NETO2: variants seen among roughly 807,000 people sequenced by gnomAD.
NETO2 encodes neuropilin and tolloid like 2, also known as neuropilin and tolloid-like protein 2.
A neutral mutation model predicts 62.5 loss-of-function variants in NETO2; 28 were observed. The ratio of observed to expected loss-of-function variants is 0.45; its 90% CI spans 0.33 to 0.61. The LOEUF is 0.61. NETO2 is among the 20% of genes least tolerant of loss of function. The pLI, the probability that NETO2 is intolerant of heterozygous loss-of-function variation, is 0.02. For missense variants in NETO2, 548 were observed against 643.2 expected (o/e 0.85, Z 1.60); for synonymous variants, 214 against 219.1 (o/e 0.98, Z 0.21).
At chr16:47,100,819 C>A (rs570832463) in intron 7 of NETO2, among the ~76,000 whole-genome samples, 2 of 152,128 alleles carry the variant, frequency 1.3e-5, no homozygotes, top group African/African-American at 2.4e-5. Context: ...TAATAGCCTA[C>A]CAACCAAAAA....
chr16:47,131,941 CAGTAAGTCACCAA>C lies in NETO2; in HGVS notation c.91+15_91+27del, dbSNP rs760831911. On this transcript the variant is annotated intron_variant, in intron 2 of 8. Transcript: ENST00000562435. ...AAGCCAGTCCATTGTCTTAAACATG[CAGTAAGTCACCAA>C]TGTAAGTACTTTACCTTGGGTTTTT... 5.0e-6 allele frequency: 8 copies of C among 1,588,368 alleles called. No individual in the cohort carries two copies. Among genetic ancestry groups the C allele is most frequent in the Non-Finnish European group, 6.9e-6 (8 of 1,157,260 alleles).
At chr16:47,100,545 T>C (rs1024336391) in intron 7 of NETO2, among the ~76,000 whole-genome samples, 5 of 151,314 alleles carry the variant, frequency 3.3e-5, no homozygotes, top group African/African-American at 1.2e-4. Flanking sequence ...ACAAAATAGA[T>C]AGACCGCTAG....
intron 6 of NETO2, among the ~76,000 whole-genome samples, chr16:47,113,636 G>A (rs2143919245): frequency 7.2e-6 from 1 of 138,182 alleles, no homozygotes; most frequent in East Asian, 2.1e-4. Flanking sequence ...TTGTCGCCCA[G>A]GCTGGAGTGC....
chr16:47,090,179 A>G (rs1439660339), intron 7 of NETO2, among the ~76,000 whole-genome samples: 1 of 152,176 alleles, frequency 6.6e-6, no homozygotes, highest in Non-Finnish European at 1.5e-5. Context: ...CTCCGTGTTC[A>G]TCACTGATTG....
intron 6 of NETO2, 130 bp from the exon 7 acceptor site, chr16:47,109,841 G>A (rs1018734413): frequency 1.1e-4 from 69 of 636,270 alleles, no homozygotes; most frequent in Admixed American, 7.4e-4. Context: ...ATAAATGGCT[G>A]ATGCCTAAAT....
rs138259311 is a variant in NETO2, at chr16:47,137,070, C to T, written c.35-5045G>A. ...TGTTGGTCAGGCTATAGGAAACTGA[C>T]ATACTCATATAATGCCACTGGATTA... On this transcript the variant is annotated intron_variant, in intron 1 of 8. Transcript: ENST00000562435. Among the ~76,000 whole-genome samples, 509 of 152,278 alleles carry T rather than the reference C, an allele frequency of 3.3e-3. 1 individual carries two copies. The highest frequency in any genetic ancestry group is 0.012 in the African/African-American group (483 of 41,550).
chr16:47,114,410 G>C (rs1190714593), intron 6 of NETO2, among the ~76,000 whole-genome samples: 2 of 101,556 alleles, frequency 2.0e-5, no homozygotes, highest in East Asian at 3.1e-4. Flanking sequence ...ACAGAGAAAA[G>C]CTTTTTCATT....
At chr16:47,143,214 C>G (rs553301395) in intron 1 of NETO2, among the ~76,000 whole-genome samples, 62 of 152,212 alleles carry the variant, frequency 4.1e-4, no homozygotes, top group African/African-American at 1.5e-3. Context: ...CGCTCCACGA[C>G]AGGAATCTCA....
intron 1 of NETO2, among the ~76,000 whole-genome samples, chr16:47,139,872 A>G (rs2151496321): frequency 6.6e-6 from 1 of 152,336 alleles, no homozygotes; most frequent in Admixed American, 6.5e-5. Context: ...TTTTAATTAC[A>G]CATCAGTCCT....
chr16:47,129,883 G>A (rs920351613), intron 2 of NETO2, among the ~76,000 whole-genome samples: 5 of 152,152 alleles, frequency 3.3e-5, no homozygotes, highest in Non-Finnish European at 7.3e-5. Context: ...AAACAGAGAG[G>A]GGTAGATATA....
Position 47,122,754 on chromosome 16 carries a change from C to T in NETO2, c.557G>A (p.Gly186Glu). The T allele has an allele frequency of 6.2e-7, 1 of 1,614,026 alleles. No homozygotes were observed. Reference protein sequence around the residue: ...DCQFELSGADGIVRSSQVEQE... With the variant: ...DCQFELSGADEIVRSSQVEQE... ...TTCTACCTGACTAGAGCGCACTATTCCATCAGCTCCCGAGAGCTCGAACTG... is the reference window on the plus strand; with the variant it reads ...TTCTACCTGACTAGAGCGCACTATTTCATCAGCTCCCGAGAGCTCGAACTG... Residue 186 changes from glycine to glutamate, a missense_variant, in exon 6 of 9, where the codon GGA (glycine) becomes GAA (glutamate). Gly to Glu is a moderately conservative substitution (Grantham distance 98). Coordinates refer to ENST00000562435, the MANE Select transcript of NETO2 (RefSeq NM_018092.5).
chr16:47,109,806 G>C, intron 6 of NETO2, 95 bp from the exon 7 acceptor site: 1 of 787,868 alleles, frequency 1.3e-6, no homozygotes, highest in Non-Finnish European at 2.0e-6. Context: ...GACACCGAAT[G>C]ACAGCTGACA....
At chr16:47,104,834 C>T (rs541923863) in intron 7 of NETO2, among the ~76,000 whole-genome samples, 5 of 152,146 alleles carry the variant, frequency 3.3e-5, no homozygotes, top group African/African-American at 1.2e-4. Context: ...ACTGTCCTGC[C>T]TCAGCCTCCT....
chr16:47,143,005 C>T (rs1286224341), intron 1 of NETO2, among the ~76,000 whole-genome samples: 1 of 151,784 alleles, frequency 6.6e-6, no homozygotes, highest in Non-Finnish European at 1.5e-5. Flanking sequence ...CCGCGCGCCG[C>T]CCCCGGAGCC....
In NETO2 at chr16:47,077,858, G is replaced by A. The variant is rs1233248351; in HGVS notation, c.*5363C>T. 6.6e-6 allele frequency: 1 copy of A among 152,240 alleles called. No individual in the cohort carries two copies. Among genetic ancestry groups the A allele is most frequent in the African/African-American group, 2.4e-5 (1 of 41,434 alleles). 9.4% of individuals were successfully genotyped at this position (152,240 alleles called of 1,614,324 possible). Reference sequence around the variant, plus strand: ...CTCTGTGCCCTGATCTGTGCCTGATGCTTGTGAAACTCAGAGGAGTTTCTG... The same window carrying A: ...CTCTGTGCCCTGATCTGTGCCTGATACTTGTGAAACTCAGAGGAGTTTCTG... On this transcript the variant is annotated 3_prime_UTR_variant, in exon 9 of 9. Transcript: ENST00000562435.
At chr16:47,101,419 T>A (rs1963540782) in intron 7 of NETO2, among the ~76,000 whole-genome samples, 1 of 152,202 alleles carries the variant, frequency 6.6e-6, no homozygotes, top group Non-Finnish European at 1.5e-5. Flanking sequence ...AACATAGTAT[T>A]GGAGGTTCTG....
At chr16:47,115,494 C>A (rs539461564) in intron 6 of NETO2, among the ~76,000 whole-genome samples, 2 of 150,666 alleles carry the variant, frequency 1.3e-5, no homozygotes, top group Non-Finnish European at 3.0e-5. Context: ...TAATTTTGAA[C>A]TACAGTTTTC....
chr16:47,141,455 T>C (rs1467457053), intron 1 of NETO2, among the ~76,000 whole-genome samples: 1 of 151,444 alleles, frequency 6.6e-6, no homozygotes. Flanking sequence ...TATACATGCG[T>C]TTGGTAAAAA....
chr16:47,128,382 T>G lies in NETO2; in HGVS notation c.424A>C (p.Ser142Arg). The G allele has an allele frequency of 7.4e-6, 12 of 1,614,136 alleles. No homozygotes were observed. The highest frequency in any genetic ancestry group is 1.0e-5 in the Non-Finnish European group (12 of 1,179,992). The change falls in exon 4 of 9, where the codon AGT (serine) becomes CGT (arginine). Residue 142 changes from serine (S) to arginine (R), a missense_variant. Transcript: ENST00000562435. ...STGRFMWIKF[S>R]SDEELEGLGF... ...AGTCCTTCAAGCTCTTCATCAGAAC[T>G]AAACTTAATCCACATGAATCTCCCT...
Sources: gnomAD v4.1 joint callset for allele counts (sites outside exome capture counted in the v4.1 genomes callset) on GRCh38, gnomAD v4.1.1 for gene constraint, MANE v1.5 for transcripts, NCBI Gene and HGNC (gene_info 2026-07-23, HGNC 2026-07-21) for gene names.